Variants in DGKB observed in about 807,000 individuals in gnomAD.
The protein encoded by DGKB is 90 kDa diacylglycerol kinase.
Under a neutral mutation model 114.3 loss-of-function variants are expected in DGKB, and 67 were observed. The ratio of observed to expected loss-of-function variants is 0.59; its 90% CI spans 0.48 to 0.72. The LOEUF (loss-of-function observed/expected upper bound fraction) is 0.72, where lower values mean the gene tolerates loss of function less well. Among genes scored for constraint, DGKB ranks in the 30% least tolerant of loss-of-function variants. The pLI, the probability that DGKB is intolerant of heterozygous loss-of-function variation, is 0.00. For missense variants in DGKB, 907 were observed against 975.2 expected (o/e 0.93, Z 0.93); for synonymous variants, 398 against 323.1 (o/e 1.23, Z -2.49).
intron 23 of DGKB, among the ~76,000 whole-genome samples, chr7:14,252,870 T>A (rs10280363): frequency 0.16 from 24,064 of 152,126 alleles, 2,140 homozygotes; most frequent in African/African-American, 0.23. Context: ...TTGTGCTATA[T>A]GGGCTTGGAC....
chr7:14,890,149 G>T (rs991662120), intron 1 of DGKB, among the ~76,000 whole-genome samples: 1 of 151,294 alleles, frequency 6.6e-6, no homozygotes, highest in Non-Finnish European at 1.5e-5. Flanking sequence ...AATTAATGAG[G>T]GCACATGCTA....
At chr7:14,279,872 C>G (rs1224656227) in intron 23 of DGKB, among the ~76,000 whole-genome samples, 2 of 149,140 alleles carry the variant, frequency 1.3e-5, no homozygotes, top group Non-Finnish European at 3.0e-5. Context: ...TCACCATCAT[C>G]AAACACCAAA....
chr7:14,401,630 A>C (rs1823115761), intron 21 of DGKB, among the ~76,000 whole-genome samples: 1 of 151,836 alleles, frequency 6.6e-6, no homozygotes, highest in African/African-American at 2.4e-5. Flanking sequence ...TCCCTTTACT[A>C]TGTTAGGGGT....
intron 23 of DGKB, among the ~76,000 whole-genome samples, chr7:14,216,725 CAA>C (rs755191130): frequency 1.6e-4 from 8 of 50,328 alleles, no homozygotes; most frequent in South Asian, 7.3e-4. Context: ...GACTCCGTCT[CAA>C]AAAAAAAAAA....
chr7:14,706,588 TA>T (rs2129020089), intron 6 of DGKB, among the ~76,000 whole-genome samples: 1 of 111,674 alleles, frequency 9.0e-6, no homozygotes, highest in South Asian at 3.8e-4. Context: ...TCAGCAAATG[TA>T]AAAGAACAGA....
intron 2 of DGKB, among the ~76,000 whole-genome samples, chr7:14,765,901 T>C (rs1217680601): frequency 6.6e-6 from 1 of 151,942 alleles, no homozygotes; most frequent in Non-Finnish European, 1.5e-5. Context: ...GTGCCTACTG[T>C]AGTGTTTGCC....
At chr7:14,910,494 A>C (rs1478280371) in intron 1 of DGKB, among the ~76,000 whole-genome samples, 1 of 152,132 alleles carries the variant, frequency 6.6e-6, no homozygotes, top group Admixed American at 6.5e-5. Flanking sequence ...GGCTACCAAA[A>C]TTGTTCATTT....
intron 13 of DGKB, among the ~76,000 whole-genome samples, chr7:14,669,402 G>C (rs1408461759): frequency 6.6e-6 from 1 of 152,050 alleles, no homozygotes; most frequent in Non-Finnish European, 1.5e-5. Flanking sequence ...CAGTGCCTTT[G>C]AGATCTGTCA....
intron 21 of DGKB, among the ~76,000 whole-genome samples, chr7:14,437,833 A>G (rs1055397666): frequency 6.6e-5 from 10 of 151,040 alleles, no homozygotes; most frequent in Non-Finnish European, 1.3e-4. Context: ...TGTGCCTTAG[A>G]GAATTCTAGA....
intron 4 of DGKB, among the ~76,000 whole-genome samples, chr7:14,752,868 C>T (rs1484979119): frequency 6.6e-6 from 1 of 152,034 alleles, no homozygotes; most frequent in Non-Finnish European, 1.5e-5. Flanking sequence ...TAAATGAAAA[C>T]AAATCATTTA....
chr7:14,675,589 T>C (rs890022660), intron 12 of DGKB, among the ~76,000 whole-genome samples: 2 of 151,894 alleles, frequency 1.3e-5, no homozygotes, highest in East Asian at 3.9e-4. Context: ...CATGAAATTC[T>C]GGTCTTTGCA....
At chr7:14,242,386 A>C (rs576023278) in intron 23 of DGKB, among the ~76,000 whole-genome samples, 1 of 152,308 alleles carries the variant, frequency 6.6e-6, no homozygotes, top group Admixed American at 6.5e-5. Flanking sequence ...GTAAGAGGTC[A>C]TTCTGCCTCT....
chr7:14,958,475 A>ACACACACACACACACACC (rs1373524055), intron 1 of DGKB, among the ~76,000 whole-genome samples: 1 of 144,272 alleles, frequency 6.9e-6, no homozygotes, highest in South Asian at 2.2e-4. Context: ...ACACACACAC[A>ACACACACACACACACACC]CCCCGTCCAG....
chr7:14,181,418 C>T (rs1281741882), intron 23 of DGKB, among the ~76,000 whole-genome samples: 2 of 152,200 alleles, frequency 1.3e-5, no homozygotes, highest in African/African-American at 4.8e-5. Context: ...ATGCATAGAA[C>T]AGCTGTTCTC....
chr7:14,150,239 C>A (rs1455608135), intron 25 of DGKB, among the ~76,000 whole-genome samples: 2 of 152,098 alleles, frequency 1.3e-5, no homozygotes, highest in Non-Finnish European at 2.9e-5. Context: ...TATCAGTTGT[C>A]ACCTGCACAG....
intron 1 of DGKB, among the ~76,000 whole-genome samples, chr7:14,910,238 CAAAAAAAGAAAGAAAGAAAGAAAG>C (rs1402414072): frequency 2.4e-5 from 3 of 124,376 alleles, no homozygotes; most frequent in Non-Finnish European, 5.0e-5. Context: ...GAGACTCCAT[CAAAAAAAGAAAGAAAGAAAGAAAG>C]AAAGAAAGAA....
At chr7:14,872,095 A>T (rs1852557589) in intron 1 of DGKB, among the ~76,000 whole-genome samples, 1 of 152,136 alleles carries the variant, frequency 6.6e-6, no homozygotes, top group Non-Finnish European at 1.5e-5. Flanking sequence ...ATAAATATGA[A>T]TTTTTCAAAG....
At chr7:14,271,290 T>C (rs1421008591) in intron 23 of DGKB, among the ~76,000 whole-genome samples, 1 of 152,152 alleles carries the variant, frequency 6.6e-6, no homozygotes, top group Non-Finnish European at 1.5e-5. Context: ...ACTGTGTTGC[T>C]CACTATTTTT....
intron 25 of DGKB, among the ~76,000 whole-genome samples, chr7:14,149,680 C>T (rs74663755): frequency 6.6e-6 from 1 of 152,084 alleles, no homozygotes; most frequent in Non-Finnish European, 1.5e-5. Flanking sequence ...TCAAGGCAAG[C>T]CTTATTTATC....
Sources: allele counts gnomAD v4.1 joint callset (sites outside exome capture counted in the v4.1 genomes callset), GRCh38; gene constraint gnomAD v4.1.1; transcripts MANE v1.5; gene names NCBI Gene and HGNC (gene_info 2026-07-23, HGNC 2026-07-21).